TEX264: variants seen among roughly 807,000 people sequenced by gnomAD.
TEX264 encodes testis-expressed protein 264.
TEX264 carries 13 observed loss-of-function variants against 23.4 expected under a neutral mutation model. That is an observed-to-expected ratio of 0.56 (90% confidence interval 0.36 to 0.88). The LOEUF (loss-of-function observed/expected upper bound fraction) is 0.88. TEX264 is among the 40% of genes least tolerant of loss of function. The pLI is 0.01. For missense variants in TEX264, 340 were observed against 406.8 expected (o/e 0.84, Z 1.41); for synonymous variants, 159 against 170.0 (o/e 0.94, Z 0.50).
chr3:51,703,701 G>C lies in TEX264; in HGVS notation c.650-23G>C. The C allele has an allele frequency of 6.4e-7, 1 of 1,560,858 alleles. No individual in the cohort carries two copies. Among genetic ancestry groups the C allele is most frequent in the Non-Finnish European group, 8.7e-7 (1 of 1,146,542 alleles). ...GGGGTGGGGTGGTCCTAGCTAACCTGTGCTCCCTTTTCCTGGTCATAGGAG... is the reference window on the plus strand; with the variant it reads ...GGGGTGGGGTGGTCCTAGCTAACCTCTGCTCCCTTTTCCTGGTCATAGGAG... On this transcript the variant is annotated intron_variant, in intron 4 of 4. Transcript: ENST00000341333. The surrounding 1 kb of genome is among the most constrained non-coding windows in gnomAD (Gnocchi z 4.8).
In TEX264 at chr3:51,703,607, C is replaced by A; in HGVS notation, c.650-117C>A. On this transcript the variant is annotated intron_variant, in intron 4 of 4. Transcript: ENST00000341333. The surrounding 1 kb of genome is among the most constrained non-coding windows in gnomAD (Gnocchi z 4.8). The stretch of plus-strand genomic sequence containing the variant: ...GAGGGCAGAGGGCAGCTGGAGCAAG[C>A]CCCCTGAGCCCGGGAGGCTGCATTA... The A allele has an allele frequency of 9.3e-7, 1 of 1,073,898 alleles. No homozygotes were observed. The highest frequency in any genetic ancestry group is 1.3e-6 in the Non-Finnish European group (1 of 752,020). The allele number at this position is 1,073,898 out of a possible 1,614,324, so 66.5% of individuals were successfully genotyped here.
intron 3 of TEX264, chr3:51,694,354 C>T (rs1231436565): frequency 6.6e-6 from 1 of 152,124 alleles, no homozygotes; most frequent in East Asian, 1.9e-4. Context: ...TGGTCTGAAA[C>T]TTGTGACCTC....
chr3:51,678,436 G>T (rs1702307264), intron 2 of TEX264, among the ~76,000 whole-genome samples: 1 of 152,204 alleles, frequency 6.6e-6, no homozygotes, highest in Non-Finnish European at 1.5e-5. Context: ...TATGTTTGGG[G>T]CTTAAGCAAC....
rs1703378531 is a variant in TEX264, at chr3:51,703,200, T to C, written c.650-524T>C. Among the ~76,000 whole-genome samples, 1 of 152,234 alleles carries C rather than the reference T, an allele frequency of 6.6e-6. No individual in the cohort carries two copies. The highest frequency in any genetic ancestry group is 6.5e-5 in the Admixed American group (1 of 15,286). On this transcript the variant is annotated intron_variant, in intron 4 of 4. Coordinates refer to ENST00000341333, the MANE Select transcript of TEX264 (RefSeq NM_015926.6). The surrounding 1 kb of genome is among the most constrained non-coding windows in gnomAD (Gnocchi z 4.8). ...CTGCTGACTCCCTGGATGCTGCTCCTGGGAGCCCTGCACGGGGGAGGGCTG... is the reference window on the plus strand; with the variant it reads ...CTGCTGACTCCCTGGATGCTGCTCCCGGGAGCCCTGCACGGGGGAGGGCTG...
At chr3:51,701,128 G>A (rs150264110) in intron 4 of TEX264, among the ~76,000 whole-genome samples, 4,395 of 152,242 alleles carry the variant, frequency 0.029, 84 homozygotes, top group Middle Eastern at 0.048. Context: ...ACTGGCTGTG[G>A]GCAGAGCGAG....
chr3:51,688,961 C>G (rs550761259), intron 3 of TEX264, among the ~76,000 whole-genome samples: 1 of 150,842 alleles, frequency 6.6e-6, no homozygotes, highest in Non-Finnish European at 1.5e-5. Context: ...GATCCTGCCT[C>G]TAAAAAAAAC....
chr3:51,692,610 C>G (rs539686911), intron 3 of TEX264, among the ~76,000 whole-genome samples: 1 of 152,230 alleles, frequency 6.6e-6, no homozygotes, highest in East Asian at 1.9e-4. Context: ...TCCATCTGTA[C>G]GAGCAGCCTT....
chr3:51,689,092 C>T (rs958898989), intron 3 of TEX264, among the ~76,000 whole-genome samples: 3 of 151,774 alleles, frequency 2.0e-5, no homozygotes, highest in African/African-American at 7.3e-5. Context: ...GCAGTCTATC[C>T]TGGGTGACAG....
intron 2 of TEX264, among the ~76,000 whole-genome samples, chr3:51,674,799 T>C (rs527540024): frequency 6.6e-6 from 1 of 152,324 alleles, no homozygotes; most frequent in African/African-American, 2.4e-5. Context: ...TGGCTACTTG[T>C]GGATTTCCAA....
At chr3:51,696,518 G>T (rs1703064065) in intron 3 of TEX264, among the ~76,000 whole-genome samples, 1 of 152,236 alleles carries the variant, frequency 6.6e-6, no homozygotes, top group Non-Finnish European at 1.5e-5. Context: ...TCCCTCCGAG[G>T]TTGCACCTGG....
At chr3:51,690,094 G>A (rs1702773881) in intron 3 of TEX264, among the ~76,000 whole-genome samples, 1 of 152,168 alleles carries the variant, frequency 6.6e-6, no homozygotes, top group South Asian at 2.1e-4. Context: ...GCCACAGCCT[G>A]TGTTCTGTCC....
intron 3 of TEX264, among the ~76,000 whole-genome samples, chr3:51,692,514 T>C (rs1425609645): frequency 6.6e-6 from 1 of 152,182 alleles, no homozygotes; most frequent in Non-Finnish European, 1.5e-5. Context: ...CTGTCCCCTG[T>C]CTCCTCTCCA....
At chr3:51,685,021 G>A (rs1290418528) in intron 3 of TEX264, among the ~76,000 whole-genome samples, 3 of 152,208 alleles carry the variant, frequency 2.0e-5, no homozygotes, top group African/African-American at 7.2e-5. Flanking sequence ...CCCAGTGTCT[G>A]GGCAGGCCCC....
At chr3:51,680,872 T>G (rs1277450624) in intron 2 of TEX264, among the ~76,000 whole-genome samples, 1 of 152,192 alleles carries the variant, frequency 6.6e-6, no homozygotes, top group Admixed American at 6.5e-5. Flanking sequence ...TTAGTAGGCC[T>G]TTTCCCTGGA....
At chr3:51,677,187 T>C (rs1275711285) in intron 2 of TEX264, among the ~76,000 whole-genome samples, 1 of 152,236 alleles carries the variant, frequency 6.6e-6, no homozygotes, top group African/African-American at 2.4e-5. Flanking sequence ...AAGGCACTGA[T>C]CTCATATGTT....
intron 1 of TEX264, chr3:51,671,945 A>AACC (rs1702060079): frequency 1.3e-5 from 2 of 152,132 alleles, no homozygotes; most frequent in African/African-American, 4.8e-5. Flanking sequence ...GCGGAGGGGG[A>AACC]GCCGAGGCTA....
chr3:51,701,509 G>C (rs1703303076), intron 4 of TEX264, among the ~76,000 whole-genome samples: 1 of 152,048 alleles, frequency 6.6e-6, no homozygotes, highest in Non-Finnish European at 1.5e-5. Context: ...ATTTTTTATA[G>C]AGATGGTGTT....
chr3:51,684,530 C>G lies in TEX264; in HGVS notation c.376C>G (p.Pro126Ala). The G allele has an allele frequency of 1.2e-6, 2 of 1,614,210 alleles. No homozygotes were observed. The highest frequency in any genetic ancestry group is 1.7e-6 in the Non-Finnish European group (2 of 1,180,046). Reference protein sequence around the residue: ...QKFGFKVFSFPAPSHVVTATF... With the variant: ...QKFGFKVFSFAAPSHVVTATF... ...ATTTGGCTTCAAGGTGTTCTCCTTC[C>G]CGGCACCCAGCCATGTGGTGACAGC... The change falls in exon 3 of 5, where the codon CCG becomes GCG. Residue 126 changes from proline to alanine, a missense_variant. Coordinates refer to ENST00000341333, the MANE Select transcript of TEX264 (RefSeq NM_015926.6).
intron 3 of TEX264, among the ~76,000 whole-genome samples, chr3:51,685,317 G>T (rs889651344): frequency 1.3e-5 from 2 of 152,212 alleles, no homozygotes; most frequent in Non-Finnish European, 2.9e-5. Context: ...CCCAGTTTGG[G>T]CTTGGACGTG....
Sources: gnomAD v4.1 joint callset for allele counts (sites outside exome capture counted in the v4.1 genomes callset) on GRCh38, gnomAD v4.1.1 for gene constraint, Gnocchi (gnomAD v3.1) non-coding constraint, MANE v1.5 for transcripts, NCBI Gene and HGNC (gene_info 2026-07-23, HGNC 2026-07-21) for gene names.